The following ABCA10 variants were observed in gnomAD, a reference collection of about 807,000 sequenced individuals.
The protein encoded by ABCA10 is ATP binding cassette subfamily A member 10, also known as ATP-binding cassette sub-family A member 10.
ABCA10 carries 169 observed loss-of-function variants against 187.5 expected under a neutral mutation model. That is an observed-to-expected ratio of 0.90 (90% CI 0.80 to 1.02). ABCA10 has a LOEUF of 1.02. Among genes scored for constraint, ABCA10 ranks in the 50% least tolerant of loss-of-function variants. The probability of loss-of-function intolerance (pLI) is 0.00; values close to 1 mark genes in which losing one functional copy is unlikely to be tolerated. For missense variants in ABCA10, 1,727 were observed against 1,812.4 expected (o/e 0.95, Z 0.86); for synonymous variants, 574 against 601.8 (o/e 0.95, Z 0.68).
intron 9 of ABCA10, among the ~76,000 whole-genome samples, chr17:69,209,681 C>T (rs1363188960): frequency 2.7e-5 from 4 of 150,756 alleles, no homozygotes; most frequent in Non-Finnish European, 5.9e-5. Flanking sequence ...TAAATAAGTA[C>T]AGTCACGTGT....
rs147761066 is a variant in ABCA10 at position 69,185,559 on chromosome 17, C to G, written c.2415G>C (p.Glu805Asp). Residue 805 changes from glutamate (E) to aspartate (D), a missense_variant, in exon 20 of 39, where the codon GAG becomes GAC. Physicochemically the swap from Glu to Asp is conservative, Grantham distance 45. Coordinates refer to ENST00000690296, the MANE Select transcript of ABCA10 (RefSeq NM_001377321.1). Reference protein sequence around the residue: ...YKVTRETHCWEFSPSMYFLSL... With the variant: ...YKVTRETHCWDFSPSMYFLSL... ...AAAGGAAATACATACTGGGTGAAAACTCCCAACAATGAGTTTCACGAGTTA... is the reference window on the plus strand; with the variant it reads ...AAAGGAAATACATACTGGGTGAAAAGTCCCAACAATGAGTTTCACGAGTTA... 3 of 1,613,134 alleles carry G rather than the reference C, an allele frequency of 1.9e-6. No homozygotes were observed. Among genetic ancestry groups the G allele is most frequent in the African/African-American group, 2.7e-5 (2 of 74,896 alleles).
intron 28 of ABCA10, among the ~76,000 whole-genome samples, chr17:69,156,324 C>A (rs1455699391): frequency 1.3e-5 from 2 of 152,154 alleles, no homozygotes; most frequent in Non-Finnish European, 2.9e-5. Context: ...TGGCCACAAC[C>A]AGGAGAAAAG....
At chr17:69,197,015 G>T in intron 11 of ABCA10, 49 bp downstream of exon 11, 1 of 1,329,710 alleles carries the variant, frequency 7.5e-7, no homozygotes. Flanking sequence ...ACAGAGGGAG[G>T]GGGAGGGGGA....
chr17:69,236,795 G>T (rs528091193), intron 1 of ABCA10, among the ~76,000 whole-genome samples: 6 of 151,944 alleles, frequency 3.9e-5, no homozygotes, highest in Non-Finnish European at 8.8e-5. Flanking sequence ...TTGGTCTTGG[G>T]AGAGTGTGCT....
At chr17:69,163,970 G>C in intron 27 of ABCA10, 104 bp downstream of exon 27, 1 of 769,640 alleles carries the variant, frequency 1.3e-6, no homozygotes, top group Non-Finnish European at 2.0e-6. Context: ...AATACAGAAA[G>C]AGTGGGTATT....
chr17:69,200,190 A>G (rs1182642230), intron 10 of ABCA10, among the ~76,000 whole-genome samples: 1 of 152,218 alleles, frequency 6.6e-6, no homozygotes, highest in Non-Finnish European at 1.5e-5. Flanking sequence ...AACAGCTAAT[A>G]TTTATTGAAC....
chr17:69,187,203 G>A (rs12950143), intron 19 of ABCA10, among the ~76,000 whole-genome samples: 84,124 of 151,862 alleles, frequency 0.55, 24,966 homozygotes, highest in Non-Finnish European at 0.67. Context: ...AATTACAGTC[G>A]GTCCAGAATC....
At chr17:69,183,721 G>C (rs1304652010) in intron 20 of ABCA10, among the ~76,000 whole-genome samples, 1 of 152,144 alleles carries the variant, frequency 6.6e-6, no homozygotes, top group East Asian at 1.9e-4. Context: ...CAGCCCCCAG[G>C]GAAGCCATTT....
intron 22 of ABCA10, among the ~76,000 whole-genome samples, chr17:69,178,396 C>A (rs151047877): frequency 9.3e-4 from 141 of 152,140 alleles, no homozygotes; most frequent in African/African-American, 3.3e-3. Flanking sequence ...AAGTGTGGTC[C>A]CAGACCAGCA....
At chr17:69,179,024 G>T (rs1361689941) in intron 22 of ABCA10, 3 of 151,880 alleles carry the variant, frequency 2.0e-5, no homozygotes, top group Admixed American at 6.6e-5. Flanking sequence ...AGAGAAGAAG[G>T]TTATGTATCT....
intron 4 of ABCA10, among the ~76,000 whole-genome samples, 195 bp from the exon 5 acceptor site, chr17:69,222,090 C>T (rs932510061): frequency 5.9e-5 from 9 of 152,286 alleles, no homozygotes; most frequent in South Asian, 2.1e-4. Flanking sequence ...GGCAGTGGCT[C>T]ATGCCTGTAA....
intron 3 of ABCA10, among the ~76,000 whole-genome samples, chr17:69,224,673 G>T (rs1214870898): frequency 8.2e-6 from 1 of 121,618 alleles, no homozygotes; most frequent in Admixed American, 8.8e-5. Context: ...CAGATATGCA[G>T]AAAAAGTCTT....
chr17:69,194,513 G>C lies in ABCA10; in HGVS notation c.1235-18C>G. On this transcript the variant is annotated intron_variant, in intron 11 of 38. Transcript: ENST00000690296. The stretch of plus-strand genomic sequence containing the variant: ...AAATATGCCTGTTTTAGAATAAAAA[G>C]TGGAAATTAGATTTTGGATTATATG... 4 of 1,567,598 alleles carry C rather than the reference G, an allele frequency of 2.6e-6. No individual in the cohort carries two copies. The highest frequency in any genetic ancestry group is 2.6e-6 in the Non-Finnish European group (3 of 1,148,100).
chr17:69,151,736 T>A (rs2074129540), intron 36 of ABCA10, among the ~76,000 whole-genome samples: 2 of 152,226 alleles, frequency 1.3e-5, no homozygotes, highest in East Asian at 1.9e-4. Context: ...GTCTATTTTT[T>A]AAAAATCATT....
intron 1 of ABCA10, among the ~76,000 whole-genome samples, chr17:69,243,990 G>A (rs748876781): frequency 6.6e-6 from 1 of 152,090 alleles, no homozygotes; most frequent in South Asian, 2.1e-4. Context: ...AGTTGTTTAG[G>A]CACTTGGGAA....
At position 69,148,849 on chromosome 17, in the gene ABCA10, A is replaced by C. The variant is rs1382413442; in HGVS notation, c.4610T>G (p.Leu1537Arg). The C allele has an allele frequency of 6.2e-7, 1 of 1,612,896 alleles. No individual in the cohort carries two copies. The highest frequency in any genetic ancestry group is 1.7e-5 in the Admixed American group (1 of 60,008). Residue 1537 changes from leucine (L) to arginine (R), a missense_variant, in exon 39 of 39, where the codon CTT (leucine) becomes CGT (arginine). Coordinates refer to ENST00000690296, the MANE Select transcript of ABCA10 (RefSeq NM_001377321.1). Reference protein sequence around the residue: ...DKIDTTVEWKLLPQEDP With the variant: ...DKIDTTVEWKRLPQEDP ...ATTTTAAGGGTCTTCCTGTGGGAGA[A>C]GTTTCCATTCAACTGTTGTATCAAT...
intron 9 of ABCA10, among the ~76,000 whole-genome samples, chr17:69,211,326 T>TC (rs377203309): frequency 4.6e-5 from 1 of 21,758 alleles, no homozygotes; most frequent in African/African-American, 2.6e-4. Context: ...TATATATATA[T>TC]ATATATATAT....
At chr17:69,220,990 A>G (rs1306134883) in intron 5 of ABCA10, among the ~76,000 whole-genome samples, 1 of 152,242 alleles carries the variant, frequency 6.6e-6, no homozygotes, top group African/African-American at 2.4e-5. Context: ...TGGAGTCATC[A>G]GCATATAAAT....
intron 20 of ABCA10, among the ~76,000 whole-genome samples, chr17:69,185,262 A>G (rs1276518282): frequency 6.6e-6 from 1 of 152,164 alleles, no homozygotes; most frequent in African/African-American, 2.4e-5. Flanking sequence ...TTATACATGT[A>G]ACCAAACACC....
Sources: gnomAD v4.1 joint callset for allele counts (sites outside exome capture counted in the v4.1 genomes callset) on GRCh38, gnomAD v4.1.1 for gene constraint, MANE v1.5 for transcripts, NCBI Gene and HGNC (gene_info 2026-07-23, HGNC 2026-07-21) for gene names.